The following SND1 variants were observed in gnomAD, a reference collection of about 807,000 sequenced individuals.
SND1 encodes the protein staphylococcal nuclease domain-containing protein 1.
In SND1, 38 loss-of-function variants were observed where a neutral mutation model predicts 121.7. The observed-to-expected ratio is 0.31, with a 90% CI of 0.24 to 0.41. The LOEUF is 0.41. Among genes scored for constraint, SND1 ranks in the 10% least tolerant of loss-of-function variants. The probability of loss-of-function intolerance (pLI) is 1.00; values close to 1 mark genes in which losing one functional copy is unlikely to be tolerated. For synonymous variants in SND1, 401 were observed against 447.4 expected (o/e 0.90, Z 1.31); for missense variants, 868 against 1,184.6 (o/e 0.73, Z 3.92).
chr7:127,746,609 T>C (rs774312848), intron 10 of SND1, among the ~76,000 whole-genome samples: 2 of 152,202 alleles, frequency 1.3e-5, no homozygotes, highest in Non-Finnish European at 2.9e-5. Context: ...TGTCCCTCTT[T>C]TCCAATTTTC....
chr7:127,866,254 C>T (rs1296686254), intron 12 of SND1, among the ~76,000 whole-genome samples: 3 of 152,154 alleles, frequency 2.0e-5, no homozygotes, highest in African/African-American at 7.2e-5. Flanking sequence ...AATGTATCAC[C>T]ACTTGTACAG....
At chr7:128,055,892 G>A (rs922678650) in intron 16 of SND1, among the ~76,000 whole-genome samples, 1 of 152,074 alleles carries the variant, frequency 6.6e-6, no homozygotes, top group Non-Finnish European at 1.5e-5. Flanking sequence ...CTGGGAGTGT[G>A]CTGCTCCCAG....
At chr7:127,722,763 G>T (rs775925047) in intron 10 of SND1, among the ~76,000 whole-genome samples, 7 of 152,070 alleles carry the variant, frequency 4.6e-5, no homozygotes, top group Non-Finnish European at 8.8e-5. Context: ...TAAAAACCAC[G>T]TACAGGATGG....
chr7:127,731,980 G>A (rs1002624696), intron 10 of SND1, among the ~76,000 whole-genome samples: 1 of 152,192 alleles, frequency 6.6e-6, no homozygotes, highest in East Asian at 1.9e-4. Flanking sequence ...AGCTAATGGT[G>A]TTGAATGTCT....
chr7:127,742,213 G>A (rs1309527155), intron 10 of SND1, among the ~76,000 whole-genome samples: 1 of 152,164 alleles, frequency 6.6e-6, no homozygotes, highest in African/African-American at 2.4e-5. Flanking sequence ...GAACTGATGA[G>A]TCGAGAGGAC....
intron 12 of SND1, among the ~76,000 whole-genome samples, chr7:127,853,462 G>A (rs576905401): frequency 6.6e-6 from 1 of 152,280 alleles, no homozygotes; most frequent in South Asian, 2.1e-4. Flanking sequence ...GGTAAGCTTG[G>A]TAGCAAGCTG....
intron 14 of SND1, among the ~76,000 whole-genome samples, chr7:127,918,491 CT>C (rs1261970895): frequency 6.6e-6 from 1 of 152,144 alleles, no homozygotes. Flanking sequence ...ATCTGTACTA[CT>C]AACTCTTCTA....
intron 10 of SND1, among the ~76,000 whole-genome samples, chr7:127,722,745 A>C (rs575610980): frequency 6.6e-6 from 1 of 152,312 alleles, no homozygotes; most frequent in Admixed American, 6.5e-5. Context: ...TTTGAATCAG[A>C]TCATACATAA....
intron 16 of SND1, among the ~76,000 whole-genome samples, chr7:128,048,265 C>CT (rs572752218): frequency 0.011 from 1,585 of 138,648 alleles, 13 homozygotes; most frequent in Non-Finnish European, 0.018. Context: ...GATTTTTTTT[C>CT]TTTTTTTTTT....
At chr7:128,044,248 A>T (rs1433647754) in intron 16 of SND1, among the ~76,000 whole-genome samples, 1 of 152,268 alleles carries the variant, frequency 6.6e-6, no homozygotes, top group Non-Finnish European at 1.5e-5. Flanking sequence ...GTGTGTTATC[A>T]CTTCTCCACT....
chr7:127,904,815 C>G lies in SND1; in HGVS notation c.1523C>G (p.Ser508Cys). ...CCTATCCACCGTGTTGCAGATATAT[C>G]TGGGGTGAGTCGAGTCCCTGAATCA... The part of the protein sequence containing the change: ...EVPIHRVADI[S>C]GDTQKAKQFL... The change falls in exon 14 of 24, where the codon TCT becomes TGT. Residue 508 changes from serine to cysteine, a missense_variant. Around this residue, in one of 2 missense-constraint regions of SND1, gnomAD observed 743 missense variants for 1,071.3 expected, o/e 0.69. Transcript: ENST00000354725. 1 of 1,603,030 alleles carries G rather than the reference C, an allele frequency of 6.2e-7. No individual in the cohort carries two copies. The highest frequency in any genetic ancestry group is 8.5e-7 in the Non-Finnish European group (1 of 1,170,068).
intron 16 of SND1, among the ~76,000 whole-genome samples, chr7:128,070,857 C>A (rs1793398390): frequency 6.6e-6 from 1 of 152,098 alleles, no homozygotes; most frequent in African/African-American, 2.4e-5. Context: ...AAAATCAATA[C>A]TCATGGTACT....
Position 127,887,750 on chromosome 7 carries a change from T to C in SND1, c.1344-152T>C, listed in dbSNP as rs1299449990. The C allele has an allele frequency of 5.9e-5, 31 of 528,972 alleles. No individual in the cohort carries two copies. In the Admixed American group the frequency reaches 9.4e-4, roughly 16 times the overall value. The allele number at this position is 528,972 out of a possible 1,614,324, so 32.8% of individuals were successfully genotyped here. On this transcript the variant is annotated intron_variant, in intron 12 of 23. Transcript: ENST00000354725. The stretch of plus-strand genomic sequence containing the variant: ...TGTTATTTAACCTTTTATTTGGATT[T>C]CTAGCTTAGCAACTCATAGGTCTTG...
At chr7:127,968,093 C>G (rs1801897176) in intron 15 of SND1, among the ~76,000 whole-genome samples, 1 of 152,200 alleles carries the variant, frequency 6.6e-6, no homozygotes, top group Admixed American at 6.5e-5. Context: ...CTGGCACTTA[C>G]CACTCCACCA....
intron 16 of SND1, among the ~76,000 whole-genome samples, chr7:128,048,073 C>T (rs866477591): frequency 6.6e-6 from 1 of 152,048 alleles, no homozygotes; most frequent in Non-Finnish European, 1.5e-5. Flanking sequence ...GTCTCGATCT[C>T]CTGACCTCGT....
chr7:127,743,429 G>A (rs1206722105), intron 10 of SND1, among the ~76,000 whole-genome samples: 1 of 152,196 alleles, frequency 6.6e-6, no homozygotes, highest in Non-Finnish European at 1.5e-5. Flanking sequence ...TCACTGCTCT[G>A]ATGTCAGGGA....
chr7:127,741,834 A>G (rs868610835), intron 10 of SND1, among the ~76,000 whole-genome samples: 1 of 152,058 alleles, frequency 6.6e-6, no homozygotes. Flanking sequence ...TAAAAGTCTT[A>G]TTGTTAATCC....
At chr7:128,006,280 C>A (rs1802973988) in intron 16 of SND1, among the ~76,000 whole-genome samples, 1 of 152,036 alleles carries the variant, frequency 6.6e-6, no homozygotes, top group Non-Finnish European at 1.5e-5. Context: ...GGAACAGTAT[C>A]TTGACTTTCA....
chr7:127,723,483 T>C (rs1796531642), intron 10 of SND1, among the ~76,000 whole-genome samples: 3 of 152,350 alleles, frequency 2.0e-5, no homozygotes, highest in African/African-American at 4.8e-5. Flanking sequence ...CTACAACATA[T>C]GGCTTGTGAG....
Sources: allele counts gnomAD v4.1 joint callset (sites outside exome capture counted in the v4.1 genomes callset), GRCh38; gene constraint gnomAD v4.1.1; regional missense constraint gnomAD v4.1.1; transcripts MANE v1.5; gene names NCBI Gene and HGNC (gene_info 2026-07-23, HGNC 2026-07-21).